The following ARMH4 variants were observed in gnomAD, a reference collection of about 807,000 sequenced individuals.
The protein encoded by ARMH4 is armadillo-like helical domain-containing protein 4.
ARMH4 carries 49 observed loss-of-function variants against 61.9 expected under a neutral mutation model. The ratio of observed to expected loss-of-function variants is 0.79; its 90% confidence interval spans 0.63 to 1.00. The LOEUF (loss-of-function observed/expected upper bound fraction) is 1.00, where lower values mean the gene tolerates loss of function less well. Ranked by LOEUF, ARMH4 falls within the 50% of genes least tolerant of loss-of-function variation. ARMH4 has a pLI of 0.00. For synonymous variants in ARMH4, 368 were observed against 341.5 expected, an observed-to-expected ratio of 1.08 and a Z score of -0.85; for missense variants, 934 against 930.0, an observed-to-expected ratio of 1.00 and a Z score of -0.06.
intron 4 of ARMH4, among the ~76,000 whole-genome samples, chr14:58,107,948 A>C (rs1318847490): frequency 6.6e-6 from 1 of 152,130 alleles, no homozygotes; most frequent in African/African-American, 2.4e-5. Flanking sequence ...ATTTGTAGGC[A>C]TACGTTTTCC....
intron 5 of ARMH4, among the ~76,000 whole-genome samples, chr14:58,067,239 T>C (rs538571722): frequency 6.6e-6 from 1 of 152,338 alleles, no homozygotes; most frequent in South Asian, 2.1e-4. Context: ...TGTCTGAAAG[T>C]TTCATTTATT....
intron 5 of ARMH4, among the ~76,000 whole-genome samples, chr14:58,031,636 C>T (rs990449053): frequency 3.9e-5 from 6 of 152,176 alleles, no homozygotes; most frequent in African/African-American, 1.4e-4. Context: ...GCGAGAACTG[C>T]AGCTACTATG....
chr14:58,009,683 T>C (rs1469796520), intron 6 of ARMH4, among the ~76,000 whole-genome samples: 1 of 151,694 alleles, frequency 6.6e-6, no homozygotes, highest in Non-Finnish European at 1.5e-5. Context: ...TAGTGGTGCA[T>C]GTCTGTAATC....
intron 4 of ARMH4, 55 bp downstream of exon 4, chr14:58,131,457 G>T: frequency 2.9e-6 from 4 of 1,386,854 alleles, no homozygotes; most frequent in South Asian, 1.2e-5. Flanking sequence ...AAAAACATTT[G>T]CTCAGTGACT....
intron 5 of ARMH4, among the ~76,000 whole-genome samples, chr14:58,017,691 G>T (rs547903031): frequency 6.6e-6 from 1 of 152,060 alleles, no homozygotes; most frequent in Non-Finnish European, 1.5e-5. Flanking sequence ...TTATTTAAAT[G>T]TCCATATAAT....
intron 5 of ARMH4, among the ~76,000 whole-genome samples, chr14:58,069,422 T>C (rs1884813382): frequency 1.3e-5 from 2 of 152,076 alleles, no homozygotes; most frequent in African/African-American, 2.4e-5. Context: ...TATAACACTA[T>C]GAATAAAGGA....
chr14:58,147,185 A>C (rs946454391), intron 1 of ARMH4, among the ~76,000 whole-genome samples: 3 of 151,712 alleles, frequency 2.0e-5, no homozygotes, highest in Admixed American at 2.0e-4. Flanking sequence ...ACCGCTGTGG[A>C]TCCTCCTCTC....
chr14:58,046,549 T>C (rs927630601), intron 5 of ARMH4, among the ~76,000 whole-genome samples: 1 of 152,200 alleles, frequency 6.6e-6, no homozygotes, highest in Non-Finnish European at 1.5e-5. Flanking sequence ...AAAGACCATC[T>C]ACTTCAAAGA....
rs558992049 is a variant in ARMH4 at position 58,049,112 on chromosome 14, A to G, written c.2090-36962T>C. Among the ~76,000 whole-genome samples the G allele has an allele frequency of 9.2e-5, 14 of 151,792 alleles. No homozygotes were observed. In the South Asian group the frequency reaches 1.2e-3, roughly 14 times the overall value. On this transcript the variant is annotated intron_variant, in intron 5 of 7. Transcript: ENST00000267485. ...AAATTAGCCAGGCGTGGTGGCGGGCACCTGTAGTCCCAGATACTAGGGAGG... is the reference window on the plus strand; with the variant it reads ...AAATTAGCCAGGCGTGGTGGCGGGCGCCTGTAGTCCCAGATACTAGGGAGG...
rs942117888 is a variant in ARMH4 at position 58,104,397 on chromosome 14, A to G, written c.1832-7416T>C. Among the ~76,000 whole-genome samples, 4 of 152,230 alleles carry G rather than the reference A, an allele frequency of 2.6e-5. No homozygotes were observed. In the East Asian group the frequency reaches 7.7e-4, roughly 29 times the overall value. Reference sequence around the variant, plus strand: ...CTATTTGTCCTTTTAATATTTACCAAATCATAGAGCTAGCCTGAGAAGACA... The same window carrying G: ...CTATTTGTCCTTTTAATATTTACCAGATCATAGAGCTAGCCTGAGAAGACA... On this transcript the variant is annotated intron_variant, in intron 4 of 7. Coordinates refer to ENST00000267485, the MANE Select transcript of ARMH4 (RefSeq NM_001001872.4).
Position 58,131,610 on chromosome 14 carries a change from G to C in ARMH4, c.1733C>G (p.Pro578Arg). The C allele has an allele frequency of 6.2e-7, 1 of 1,614,178 alleles. No homozygotes were observed. Among genetic ancestry groups the C allele is most frequent in the South Asian group, 1.1e-5 (1 of 91,082 alleles). Reference sequence around the variant, plus strand: ...TCTCTCAGAGGATGCCTCCAAAGCAGGAAGTGCAGGGGAAATGCTGGGTTC... The same window carrying C: ...TCTCTCAGAGGATGCCTCCAAAGCACGAAGTGCAGGGGAAATGCTGGGTTC... ...VGEPSISPALPALEASSERRT... is the reference protein window; with the variant it reads ...VGEPSISPALRALEASSERRT... The change falls in exon 4 of 8, where the codon CCT (proline) becomes CGT (arginine). Residue 578 changes from proline (P) to arginine (R), a missense_variant. Pro to Arg is a moderately radical substitution (Grantham distance 103). Coordinates refer to ENST00000267485, the MANE Select transcript of ARMH4 (RefSeq NM_001001872.4).
chr14:58,032,746 C>G (rs985900829), intron 5 of ARMH4, among the ~76,000 whole-genome samples: 4 of 152,050 alleles, frequency 2.6e-5, no homozygotes, highest in Non-Finnish European at 5.9e-5. Context: ...CTGGGAAGCG[C>G]AAGGGGTCAG....
At chr14:58,094,630 C>A (rs1289391946) in intron 5 of ARMH4, among the ~76,000 whole-genome samples, 1 of 152,162 alleles carries the variant, frequency 6.6e-6, no homozygotes, top group Non-Finnish European at 1.5e-5. Flanking sequence ...ACTACTGATA[C>A]ATACAACATA....
intron 2 of ARMH4, among the ~76,000 whole-genome samples, chr14:58,136,059 CCA>C (rs1887292680): frequency 6.6e-6 from 1 of 152,094 alleles, no homozygotes. Flanking sequence ...TTGGATAACT[CCA>C]GTCTGAATGG....
At chr14:58,131,338 G>T in intron 4 of ARMH4, 174 bp downstream of exon 4, 4 of 514,942 alleles carry the variant, frequency 7.8e-6, no homozygotes, top group Admixed American at 3.5e-5. Flanking sequence ...ACCATTCTTA[G>T]CTTACAAACC....
intron 5 of ARMH4, among the ~76,000 whole-genome samples, chr14:58,095,458 C>T (rs2141261830): frequency 6.6e-6 from 1 of 152,310 alleles, no homozygotes; most frequent in Middle Eastern, 3.4e-3. Flanking sequence ...TATTCATTCA[C>T]TTGTTCACAG....
chr14:58,145,821 C>G (rs7142336), intron 1 of ARMH4, among the ~76,000 whole-genome samples: 67,076 of 152,056 alleles, frequency 0.44, 15,750 homozygotes, highest in Non-Finnish European at 0.54. Flanking sequence ...TCCCCACTAT[C>G]GAAAGCAACA....
At chr14:58,132,989 G>A (rs184011903) in intron 3 of ARMH4, 101 bp downstream of exon 3, 76 of 1,294,758 alleles carry the variant, frequency 5.9e-5, no homozygotes, top group South Asian at 6.6e-5. Flanking sequence ...ACGCACGCGC[G>A]CGCTGATGGC....
chr14:58,126,510 C>A (rs1216232124), intron 4 of ARMH4, among the ~76,000 whole-genome samples: 1 of 152,206 alleles, frequency 6.6e-6, no homozygotes, highest in Non-Finnish European at 1.5e-5. Flanking sequence ...TACACACATA[C>A]ACATGCATGC....
Sources: allele counts gnomAD v4.1 joint callset (sites outside exome capture counted in the v4.1 genomes callset), GRCh38; gene constraint gnomAD v4.1.1; transcripts MANE v1.5; gene names NCBI Gene and HGNC (gene_info 2026-07-23, HGNC 2026-07-21).